The following DUOX2 variants were observed in gnomAD, a reference collection of about 807,000 sequenced individuals.
The protein encoded by DUOX2 is dual oxidase 2.
In DUOX2, 185 loss-of-function variants were observed where a neutral mutation model predicts 183.3. That is an observed-to-expected ratio of 1.01 (90% confidence interval 0.90 to 1.14). DUOX2 has a LOEUF of 1.14. DUOX2 is among the 50% of genes most tolerant of loss of function. The pLI is 0.00. For synonymous variants in DUOX2, 788 were observed against 812.4 expected (o/e 0.97, Z 0.51); for missense variants, 1,999 against 2,022.9 (o/e 0.99, Z 0.23).
Position 45,099,656 on chromosome 15 carries a change from A to C in DUOX2, c.3415+6T>G. On this transcript the variant is annotated splice_donor_region_variant and intron_variant, in intron 25 of 33. Coordinates refer to ENST00000389039, the MANE Select transcript of DUOX2 (RefSeq NM_001363711.2). ...GCAAAGAGGAAGAAGCCTGGGAGTC[A>C]CGTACTGGCCAGGACAACAGCAGCC... 6.2e-7 allele frequency: 1 copy of C among 1,614,164 alleles called. No homozygotes were observed. Among genetic ancestry groups the C allele is most frequent in the Non-Finnish European group, 8.5e-7 (1 of 1,179,994 alleles).
In DUOX2 at chr15:45,109,541, A is replaced by G. The variant is rs757386876; in HGVS notation, c.1217T>C (p.Val406Ala). The change falls in exon 11 of 34, where the codon GTG (valine) becomes GCG (alanine). Residue 406 changes from valine to alanine, a missense_variant. Around this residue, in one of 3 missense-constraint regions of DUOX2, gnomAD observed 1,628 missense variants for 1,608.6 expected, o/e 1.01. Coordinates refer to ENST00000389039, the MANE Select transcript of DUOX2 (RefSeq NM_001363711.2). ...GAGCTCACCCCTCAGATCTTCAACC[A>G]CTATGTTGTCCTCCAACTCCGAAAT... ...SQISELEDNI[V>A]VEDLRDYWPG... The G allele has an allele frequency of 3.1e-6, 5 of 1,613,874 alleles. No homozygotes were observed. The Middle Eastern group carries it at 5.0e-4, about 160-fold the overall frequency.
Position 45,111,553 on chromosome 15 carries a change from G to A in DUOX2, c.546C>T (p.Ser182=). Residue 182 remains serine, a synonymous_variant, in exon 6 of 34, where the codon AGC becomes AGT. Coordinates refer to ENST00000389039, the MANE Select transcript of DUOX2 (RefSeq NM_001363711.2). ...AGGAGTGCGAGGAGCCATAGATGGC[G>A]CTGCCGTCCAGCCAGCCCGTCACCT... ...ANQVTGWLDG[S]AIYGSSHSWS... 1 of 1,551,548 alleles carries A rather than the reference G, an allele frequency of 6.4e-7. No individual in the cohort carries two copies.
chr15:45,101,018 A>G (rs973421915), intron 22 of DUOX2, 180 bp from the exon 23 acceptor site: 7 of 701,850 alleles, frequency 1.0e-5, no homozygotes, highest in African/African-American at 7.1e-5. Context: ...CTGGAGCAGC[A>G]GGGAGAGAGC....
intron 20 of DUOX2, among the ~76,000 whole-genome samples, chr15:45,102,991 A>G (rs1455672283): frequency 6.6e-6 from 1 of 152,166 alleles, no homozygotes; most frequent in African/African-American, 2.4e-5. Flanking sequence ...AAACAAACAA[A>G]CAAACAAACC....
intron 27 of DUOX2, 40 bp from the exon 28 acceptor site, chr15:45,097,781 C>T (rs199954635): frequency 1.9e-4 from 314 of 1,613,960 alleles, no homozygotes; most frequent in Non-Finnish European, 2.4e-4. Flanking sequence ...AGTCTCAGGA[C>T]TTCAGCTTGG....
chr15:45,101,972 G>T lies in DUOX2; in HGVS notation c.2672C>A (p.Ser891Tyr). 6.2e-7 allele frequency: 1 copy of T among 1,614,142 alleles called. No homozygotes were observed. ...FTMMRSFIEI[S>Y]NNCLSKAQLA... The stretch of plus-strand genomic sequence containing the variant: ...CTGGGCCTTGGACAGGCAGTTGTTG[G>T]AGATCTCGATGAAGGATCTGGAGGA... Residue 891 changes from serine to tyrosine, a missense_variant, in exon 21 of 34, where the codon TCC (serine) becomes TAC (tyrosine). Physicochemically the swap from Ser to Tyr is moderately radical, Grantham distance 144. This residue lies in a region of DUOX2 where 1,628 missense variants were observed against 1,608.6 expected (regional missense o/e 1.01). Coordinates refer to ENST00000389039, the MANE Select transcript of DUOX2 (RefSeq NM_001363711.2).
chr15:45,097,525 T>A, intron 28 of DUOX2, 89 bp downstream of exon 28: 1 of 1,612,604 alleles, frequency 6.2e-7, no homozygotes. Context: ...AGTCTCATTC[T>A]GAGATCTTGG....
chr15:45,101,384 C>G, intron 21 of DUOX2, 110 bp from the exon 22 acceptor site: 1 of 958,044 alleles, frequency 1.0e-6, no homozygotes, highest in East Asian at 2.6e-5. Flanking sequence ...ATCTCTGACT[C>G]GAGTCCTGTT....
chr15:45,102,001 C>T lies in DUOX2; in HGVS notation c.2655-12G>A. 1 of 1,613,874 alleles carries T rather than the reference C, an allele frequency of 6.2e-7. No individual in the cohort carries two copies. The highest frequency in any genetic ancestry group is 1.3e-5 in the African/African-American group (1 of 75,008). ...TCTCGATGAAGGATCTGGAGGAGGA[C>T]CAGAGACACAGCAGCCTGTCACCCA... is the stretch of plus-strand genomic sequence containing the variant. On this transcript the variant is annotated splice_polypyrimidine_tract_variant and intron_variant, in intron 20 of 33. Coordinates refer to ENST00000389039, the MANE Select transcript of DUOX2 (RefSeq NM_001363711.2).
In DUOX2 at chr15:45,106,182, C is replaced by G. The variant is rs1423619141; in HGVS notation, c.2091G>C (p.Leu697=). Residue 697 remains leucine (L), a synonymous_variant, in exon 17 of 34, where the codon CTG becomes CTC. Transcript: ENST00000389039. ...GGGTGCGGCATCCTCGGTTGTTGGA[C>G]AGGATGAGGTTGACCTGCTGCAGAG... is the stretch of plus-strand genomic sequence containing the variant. The part of the protein sequence containing the change: ...LQPLQQVNLI[L]SNNRGCRTLL... 1 of 1,614,186 alleles carries G rather than the reference C, an allele frequency of 6.2e-7. No homozygotes were observed. Among genetic ancestry groups the G allele is most frequent in the Non-Finnish European group, 8.5e-7 (1 of 1,180,034 alleles).
chr15:45,111,105 G>T lies in DUOX2; in HGVS notation c.882+6C>A, dbSNP rs1272633378. 14 of 1,098,552 alleles carry T rather than the reference G, an allele frequency of 1.3e-5. No homozygotes were observed. Among genetic ancestry groups the T allele is most frequent in the African/African-American group, 1.7e-5 (1 of 59,956 alleles). The allele number at this position is 1,098,552 out of a possible 1,614,324, so 68.1% of individuals were successfully genotyped here. A position where few individuals can be genotyped will look rare whatever the true frequency, so the allele number is the denominator to read the frequency against. ...GGGAGGACGTCGCGGGGCGCGGACG[G>T]CTGACCTGGTAGGTGGCGATGACCC... On this transcript the variant is annotated splice_donor_region_variant and intron_variant, in intron 7 of 33. Transcript: ENST00000389039.
intron 3 of DUOX2, 43 bp from the exon 4 acceptor site, chr15:45,112,761 C>T (rs747735805): frequency 1.2e-6 from 2 of 1,607,158 alleles, no homozygotes; most frequent in South Asian, 2.2e-5. Flanking sequence ...CACTCCATCC[C>T]CTAGGATCCC....
chr15:45,110,218 C>A (rs1894343524), intron 9 of DUOX2, among the ~76,000 whole-genome samples: 1 of 152,142 alleles, frequency 6.6e-6, no homozygotes, highest in African/African-American at 2.4e-5. Flanking sequence ...ATCCTACACC[C>A]AGCCACCAAA....
chr15:45,109,271 C>A (rs183400473), intron 11 of DUOX2: 112 of 597,538 alleles, frequency 1.9e-4, no homozygotes, highest in Middle Eastern at 1.3e-3. Context: ...AATTAAGCAC[C>A]AAAGAGATTG....
Position 45,110,514 on chromosome 15 carries a change from AG to A in DUOX2, c.953del (p.Pro318LeufsTer3). ...KTLPEYTGYR[P>X]FLDPSISPEF... ...CCGGGGAGATGCTGGGGTCTAGGAA[AG>A]GACGGTATCCTGCAGGAAGGAGACG... On this transcript the variant is annotated frameshift_variant, in exon 9 of 34. Transcript: ENST00000389039. LOFTEE classifies it high-confidence loss of function. The A allele has an allele frequency of 6.2e-7, 1 of 1,614,154 alleles. No homozygotes were observed. Among genetic ancestry groups the A allele is most frequent in the Non-Finnish European group, 8.5e-7 (1 of 1,180,016 alleles).
At chr15:45,109,371 T>C in intron 11 of DUOX2, 153 bp downstream of exon 11, 2 of 679,666 alleles carry the variant, frequency 2.9e-6, no homozygotes, top group Non-Finnish European at 5.1e-6. Context: ...AAAAAAAAGT[T>C]CAAAGTTCAT....
chr15:45,094,338 C>T, intron 33 of DUOX2, 66 bp from the exon 34 acceptor site: 1 of 1,610,224 alleles, frequency 6.2e-7, no homozygotes, highest in Admixed American at 1.7e-5. Flanking sequence ...TTGGGAAAAG[C>T]TGCTTCCTGA....
Position 45,113,479 on chromosome 15 carries a change from G to C in DUOX2, c.-14-54C>G. ...GGTATGCGAAAGCCACTGTTAGGGC[G>C]TCCTCTATGCCTCCCCTCTTGTTCC... On this transcript the variant is annotated intron_variant, in intron 1 of 33. Coordinates refer to ENST00000389039, the MANE Select transcript of DUOX2 (RefSeq NM_001363711.2). The C allele has an allele frequency of 2.2e-6, 3 of 1,380,170 alleles. No homozygotes were observed. In the South Asian group the frequency reaches 3.7e-5, roughly 17 times the overall value. 85.5% of individuals were successfully genotyped at this position (1,380,170 alleles called of 1,614,324 possible).
In DUOX2 at chr15:45,106,202, G is replaced by A. The variant is rs780864814; in HGVS notation, c.2071C>T (p.Gln691Ter). ...TTGGACAGGATGAGGTTGACCTGCTGCAGAGGCTGCAGCTGGACCACACGG... is the reference window on the plus strand; with the variant it reads ...TTGGACAGGATGAGGTTGACCTGCTACAGAGGCTGCAGCTGGACCACACGG... ...VLRVVQLQPL[Q>*]QVNLILSNNR... The change falls in exon 17 of 34, where the codon CAG becomes TAG. Residue 691 changes from glutamine (Q) to a stop codon, truncating the protein, a stop_gained. Transcript: ENST00000389039. LOFTEE classifies it high-confidence loss of function. The A allele has an allele frequency of 1.9e-6, 3 of 1,614,200 alleles. No individual in the cohort carries two copies. Among genetic ancestry groups the A allele is most frequent in the Non-Finnish European group, 2.5e-6 (3 of 1,180,032 alleles).
Sources: allele counts gnomAD v4.1 joint callset (sites outside exome capture counted in the v4.1 genomes callset), GRCh38; gene constraint gnomAD v4.1.1; regional missense constraint gnomAD v4.1.1; transcripts MANE v1.5; gene names NCBI Gene and HGNC (gene_info 2026-07-23, HGNC 2026-07-21).